Variants in COG5 observed in about 807,000 individuals in gnomAD.
COG5 encodes conserved oligomeric Golgi complex subunit 5.
COG5 carries 86 observed loss-of-function variants against 110.4 expected under a neutral mutation model. That is an observed-to-expected ratio of 0.78 (90% CI 0.65 to 0.93). The LOEUF (loss-of-function observed/expected upper bound fraction) is 0.93. Among genes scored for constraint, COG5 ranks in the 40% least tolerant of loss-of-function variants. COG5 has a pLI of 0.00. For synonymous variants in COG5, 360 were observed against 334.6 expected, an observed-to-expected ratio of 1.08 and a Z score of -0.83; for missense variants, 1,077 against 987.0, an observed-to-expected ratio of 1.09 and a Z score of -1.22.
intron 6 of COG5, among the ~76,000 whole-genome samples, chr7:107,463,215 C>T (rs955192278): frequency 6.6e-6 from 1 of 152,250 alleles, no homozygotes; most frequent in African/African-American, 2.4e-5. Flanking sequence ...GGTTCTACTT[C>T]ATGGAACGCC....
At chr7:107,443,685 C>T (rs977317927) in intron 6 of COG5, among the ~76,000 whole-genome samples, 1 of 151,936 alleles carries the variant, frequency 6.6e-6, no homozygotes, top group African/African-American at 2.4e-5. Flanking sequence ...TGTTAAAATC[C>T]TAGTCTTAAT....
chr7:107,415,399 G>C (rs549954151), intron 6 of COG5, among the ~76,000 whole-genome samples: 1 of 152,268 alleles, frequency 6.6e-6, no homozygotes, highest in East Asian at 1.9e-4. Flanking sequence ...GAAGAAGGCA[G>C]AGCATTGCCA....
chr7:107,481,214 G>T (rs1797320940), intron 6 of COG5, among the ~76,000 whole-genome samples: 1 of 152,098 alleles, frequency 6.6e-6, no homozygotes, highest in Non-Finnish European at 1.5e-5. Context: ...TTTTCTCAGA[G>T]GTATTAAGCA....
intron 18 of COG5, among the ~76,000 whole-genome samples, chr7:107,232,229 A>G (rs1468921271): frequency 2.0e-5 from 3 of 152,240 alleles, no homozygotes; most frequent in Non-Finnish European, 4.4e-5. Flanking sequence ...GCTGTGAGCC[A>G]GTGTGCCCAA....
chr7:107,319,162 T>C (rs751361332), intron 11 of COG5, among the ~76,000 whole-genome samples: 9 of 152,108 alleles, frequency 5.9e-5, no homozygotes, highest in Non-Finnish European at 1.2e-4. Flanking sequence ...TTTTCATATG[T>C]GGAGGTTCCA....
intron 12 of COG5, among the ~76,000 whole-genome samples, chr7:107,290,135 TA>T (rs2116859906): frequency 6.6e-6 from 1 of 152,362 alleles, no homozygotes; most frequent in South Asian, 2.1e-4. Flanking sequence ...ACTGTTCCTG[TA>T]CCCTCTTCTT....
rs746923432 is a variant in COG5 at position 107,288,971 on chromosome 7, T to A, written c.1314-5239A>T. ...ATATATATATATATATATTTAAAAA[T>A]TTATCTATATTTTTAATTTTTACAT... On this transcript the variant is annotated intron_variant, in intron 12 of 21. Coordinates refer to ENST00000297135, the MANE Select transcript of COG5 (RefSeq NM_006348.5). Among the ~76,000 whole-genome samples the A allele has an allele frequency of 2.4e-3, 317 of 132,872 alleles. 2 individuals are homozygous for A. Among genetic ancestry groups the A allele is most frequent in the Middle Eastern group, 4.0e-3 (1 of 248 alleles). The allele number at this position is 132,872 out of a possible 152,430, so 87.2% of individuals were successfully genotyped here.
chr7:107,206,507 C>G (rs565122550), intron 21 of COG5, among the ~76,000 whole-genome samples: 2 of 152,228 alleles, frequency 1.3e-5, no homozygotes, highest in Non-Finnish European at 2.9e-5. Flanking sequence ...ATTGTCTCCA[C>G]TCCCCAAATG....
intron 11 of COG5, among the ~76,000 whole-genome samples, chr7:107,301,086 A>C (rs574412480): frequency 4.0e-4 from 61 of 152,186 alleles, no homozygotes; most frequent in Non-Finnish European, 5.9e-4. Context: ...GTAACAATTG[A>C]ATAGCTATAT....
intron 6 of COG5, among the ~76,000 whole-genome samples, chr7:107,443,081 AAG>A (rs762274498): frequency 1.3e-5 from 2 of 152,180 alleles, no homozygotes; most frequent in Non-Finnish European, 2.9e-5. Context: ...TTCACAGAAA[AAG>A]AGAAAATATT....
At chr7:107,395,912 A>T (rs1292594735) in intron 7 of COG5, among the ~76,000 whole-genome samples, 1 of 152,218 alleles carries the variant, frequency 6.6e-6, no homozygotes, top group African/African-American at 2.4e-5. Context: ...TAATAAAATT[A>T]GGCCGATTTT....
chr7:107,208,213 G>C (rs1259824179), intron 21 of COG5: 11 of 985,318 alleles, frequency 1.1e-5, no homozygotes, highest in Middle Eastern at 5.2e-4. Context: ...CTAAGGGCAT[G>C]AAGGTTCTGG....
intron 6 of COG5, among the ~76,000 whole-genome samples, chr7:107,520,757 C>T (rs1177328940): frequency 6.6e-6 from 1 of 152,158 alleles, no homozygotes; most frequent in Admixed American, 6.6e-5. Context: ...TCCTATCAAA[C>T]TACCATTAAC....
intron 6 of COG5, among the ~76,000 whole-genome samples, chr7:107,444,520 C>G (rs1794895639): frequency 6.6e-6 from 1 of 152,148 alleles, no homozygotes; most frequent in Non-Finnish European, 1.5e-5. Flanking sequence ...TGTTCTTTCA[C>G]CCCCTACTTT....
At chr7:107,507,071 A>C (rs1273822354) in intron 6 of COG5, among the ~76,000 whole-genome samples, 1 of 152,116 alleles carries the variant, frequency 6.6e-6, no homozygotes, top group Non-Finnish European at 1.5e-5. Context: ...AGTGTTGAGT[A>C]GGATAAAGGT....
chr7:107,448,776 T>C (rs1234939412), intron 6 of COG5, among the ~76,000 whole-genome samples: 10 of 152,128 alleles, frequency 6.6e-5, no homozygotes, highest in Non-Finnish European at 1.2e-4. Flanking sequence ...AATAAATACA[T>C]TGGAAATTTT....
chr7:107,469,164 T>G (rs1796483855), intron 6 of COG5, among the ~76,000 whole-genome samples: 1 of 151,802 alleles, frequency 6.6e-6, no homozygotes. Flanking sequence ...TGTAACTTAC[T>G]TTATCCTTTA....
chr7:107,561,383 C>G (rs150302961), intron 1 of COG5, among the ~76,000 whole-genome samples: 2 of 152,278 alleles, frequency 1.3e-5, no homozygotes, highest in African/African-American at 4.8e-5. Flanking sequence ...ACAGAGACCG[C>G]TTAATTCAGA....
chr7:107,512,045 G>C (rs7805630), intron 6 of COG5, among the ~76,000 whole-genome samples: 60,716 of 151,988 alleles, frequency 0.4, 12,792 homozygotes, highest in Non-Finnish European at 0.47. Flanking sequence ...GTTCTGGCCA[G>C]GGCAATTAGG....
Sources: gnomAD v4.1 joint callset for allele counts (sites outside exome capture counted in the v4.1 genomes callset) on GRCh38, gnomAD v4.1.1 for gene constraint, MANE v1.5 for transcripts, NCBI Gene and HGNC (gene_info 2026-07-23, HGNC 2026-07-21) for gene names.